Variants in TMEM39B observed in about 807,000 individuals in gnomAD.
TMEM39B encodes transmembrane protein 39B.
TMEM39B carries 23 observed loss-of-function variants against 52.2 expected under a neutral mutation model. The observed-to-expected ratio is 0.44, with a 90% CI of 0.32 to 0.62. The LOEUF is 0.62. Among genes scored for constraint, TMEM39B ranks in the 20% least tolerant of loss-of-function variants. TMEM39B has a pLI of 0.06. For synonymous variants in TMEM39B, 285 were observed against 264.0 expected (o/e 1.08, Z -0.77); for missense variants, 547 against 642.0 (o/e 0.85, Z 1.60).
chr1:32,086,320 C>T (rs1640348234), intron 5 of TMEM39B, among the ~76,000 whole-genome samples: 1 of 152,214 alleles, frequency 6.6e-6, no homozygotes, highest in Admixed American at 6.5e-5. Flanking sequence ...CACCTCCAGT[C>T]CAGTTCGCTC....
chr1:32,074,859 G>A (rs764808668), intron 1 of TMEM39B, 92 bp from the exon 2 acceptor site: 189 of 1,399,622 alleles, frequency 1.4e-4, no homozygotes, highest in Non-Finnish European at 1.8e-4. Flanking sequence ...ATGATAAAGT[G>A]AGATACTAGG....
In TMEM39B at chr1:32,102,757, G is replaced by T; in HGVS notation, c.*84G>T. 7.2e-7 allele frequency: 1 copy of T among 1,380,286 alleles called. No individual in the cohort carries two copies. The allele number at this position is 1,380,286 out of a possible 1,614,324, so 85.5% of individuals were successfully genotyped here. A position where few individuals can be genotyped will look rare whatever the true frequency, so the allele number is the denominator to read the frequency against. ...GGCTGTTGGGTAGAAGTGGTGGTGG[G>T]GGGGACAAAAGACAAAAAAATCCAC... On this transcript the variant is annotated 3_prime_UTR_variant, in exon 9 of 9. Coordinates refer to ENST00000336294, the MANE Select transcript of TMEM39B (RefSeq NM_018056.4).
intron 3 of TMEM39B, 139 bp from the exon 4 acceptor site, chr1:32,076,624 G>C (rs1047094275): frequency 3.5e-6 from 3 of 866,538 alleles, no homozygotes; most frequent in Non-Finnish European, 5.7e-6. Context: ...TTCCTGGCCT[G>C]ACTCAGCTGG....
At chr1:32,084,688 GC>G (rs1197301950) in intron 5 of TMEM39B, among the ~76,000 whole-genome samples, 2 of 152,058 alleles carry the variant, frequency 1.3e-5, no homozygotes, top group Non-Finnish European at 2.9e-5. Context: ...TCCTGCCTCA[GC>G]CTCCTGAGTA....
At chr1:32,095,118 G>C (rs74536384) in intron 7 of TMEM39B, 147 bp downstream of exon 7, 36,566 of 941,408 alleles carry the variant, frequency 0.039, 815 homozygotes, top group Non-Finnish European at 0.047. Flanking sequence ...CCAGGGTGGG[G>C]TATGGTGGGG....
chr1:32,091,869 A>G lies in TMEM39B; in HGVS notation c.785A>G (p.His262Arg). ...TATGGCCCGGACGCCATGCCCACCC[A>G]TGCCTGCTGCCTGTCACCCAGCCTC... Reference protein sequence around the residue: ...QLYGPDAMPTHACCLSPSLIR... With the variant: ...QLYGPDAMPTRACCLSPSLIR... The change falls in exon 6 of 9, where the codon CAT becomes CGT. Residue 262 changes from histidine (H) to arginine (R), a missense_variant. By Grantham distance (29) the His-to-Arg change is conservative. Transcript: ENST00000336294. 1.2e-6 allele frequency: 2 copies of G among 1,614,192 alleles called. No individual in the cohort carries two copies. Among genetic ancestry groups the G allele is most frequent in the Non-Finnish European group, 1.7e-6 (2 of 1,180,034 alleles).
chr1:32,086,521 C>G (rs1033695239), intron 5 of TMEM39B, among the ~76,000 whole-genome samples: 1 of 151,908 alleles, frequency 6.6e-6, no homozygotes, highest in East Asian at 1.9e-4. Flanking sequence ...AATCCCAGCA[C>G]TTTGAGAGAC....
intron 5 of TMEM39B, 115 bp from the exon 6 acceptor site, chr1:32,091,560 C>T (rs1373647310): frequency 2.4e-6 from 3 of 1,231,712 alleles, no homozygotes; most frequent in South Asian, 3.1e-5. Flanking sequence ...AAATTCTCCC[C>T]TCTGGGCAGC....
chr1:32,075,866 G>C (rs553338196), intron 3 of TMEM39B, 44 bp downstream of exon 3: 30 of 1,267,518 alleles, frequency 2.4e-5, no homozygotes, highest in Middle Eastern at 2.7e-4. Context: ...GTGTGTGTGC[G>C]TGTGTGTGTA....
chr1:32,075,665 A>C lies in TMEM39B; in HGVS notation c.194A>C (p.Gln65Pro). The change falls in exon 3 of 9, where the codon CAG becomes CCG. Residue 65 changes from glutamine to proline, a missense_variant. By Grantham distance (76) the Gln-to-Pro change is moderately conservative (BLOSUM62 -1). Transcript: ENST00000336294. ...PLATQTVVPL[Q>P]HCKIPELPVQ... Reference sequence around the variant, plus strand: ...GCCACCCAAACTGTTGTGCCTCTACAGCACTGCAAGATCCCCGAGCTGCCA... The same window carrying C: ...GCCACCCAAACTGTTGTGCCTCTACCGCACTGCAAGATCCCCGAGCTGCCA... The C allele has an allele frequency of 6.4e-7, 1 of 1,551,720 alleles. No individual in the cohort carries two copies. The highest frequency in any genetic ancestry group is 1.2e-5 in the South Asian group (1 of 84,046).
intron 5 of TMEM39B, among the ~76,000 whole-genome samples, chr1:32,083,684 A>C (rs1351985979): frequency 6.6e-6 from 1 of 151,982 alleles, no homozygotes; most frequent in East Asian, 1.9e-4. Context: ...AGCTTCCCAA[A>C]GTGCTGGGAT....
chr1:32,093,394 C>T (rs1204344205), intron 6 of TMEM39B, among the ~76,000 whole-genome samples: 1 of 142,580 alleles, frequency 7.0e-6, no homozygotes, highest in Non-Finnish European at 1.5e-5. Flanking sequence ...CCACCAAGCC[C>T]GGCCCTTTTT....
Position 32,074,325 on chromosome 1 carries a change from G to T in TMEM39B, c.5-626G>T, listed in dbSNP as rs1639762442. ...GGCCTCCAGAAACTTATGTCTGAAT[G>T]GGGCCCAATGTGTACCAGAGTTGAG... On this transcript the variant is annotated intron_variant, in intron 1 of 8. Coordinates refer to ENST00000336294, the MANE Select transcript of TMEM39B (RefSeq NM_018056.4). Among the ~76,000 whole-genome samples the T allele has an allele frequency of 1.3e-5, 2 of 152,086 alleles. 1 individual carries two copies. The highest frequency in any genetic ancestry group is 4.1e-4 in the South Asian group (2 of 4,826).
At chr1:32,096,524 A>C (rs548694691) in intron 7 of TMEM39B, among the ~76,000 whole-genome samples, 1 of 145,152 alleles carries the variant, frequency 6.9e-6, no homozygotes, top group African/African-American at 2.6e-5. Context: ...CAGTGGCACA[A>C]TCTTGGCTCA....
chr1:32,101,570 C>G (rs1181799863), intron 8 of TMEM39B, among the ~76,000 whole-genome samples: 1 of 152,118 alleles, frequency 6.6e-6, no homozygotes, highest in African/African-American at 2.4e-5. Flanking sequence ...CCCTTGAAAC[C>G]TGGGGCTCTA....
At position 32,086,354 on chromosome 1, in the gene TMEM39B, G is replaced by A. The variant is rs778993194; in HGVS notation, c.591-5321G>A. 7.9e-5 allele frequency among the ~76,000 whole-genome samples: 12 copies of A among 152,088 alleles called. No homozygotes were observed. In the East Asian group the frequency reaches 9.6e-4, roughly 12 times the overall value. On this transcript the variant is annotated intron_variant, in intron 5 of 8. Coordinates refer to ENST00000336294, the MANE Select transcript of TMEM39B (RefSeq NM_018056.4). ...TCATGCCATATTCTAGACTTGTACC[G>A]TCCAGTTGAGTAGCTACTAGCCCCC...
At chr1:32,098,982 G>A (rs1640916928) in intron 7 of TMEM39B, among the ~76,000 whole-genome samples, 1 of 152,132 alleles carries the variant, frequency 6.6e-6, no homozygotes, top group African/African-American at 2.4e-5. Context: ...CAGGCACGGT[G>A]GCTCATTGCC....
intron 7 of TMEM39B, among the ~76,000 whole-genome samples, chr1:32,099,234 A>G (rs1353982965): frequency 6.7e-6 from 1 of 148,614 alleles, no homozygotes; most frequent in Non-Finnish European, 1.5e-5. Flanking sequence ...CTCTGTCTCA[A>G]AAAAAAAAAA....
At chr1:32,077,822 A>G (rs1216189179) in intron 5 of TMEM39B, among the ~76,000 whole-genome samples, 1 of 152,072 alleles carries the variant, frequency 6.6e-6, no homozygotes, top group African/African-American at 2.4e-5. Context: ...CTGCATATGC[A>G]TGTGTGTATG....
Sources: allele counts gnomAD v4.1 joint callset (sites outside exome capture counted in the v4.1 genomes callset), GRCh38; gene constraint gnomAD v4.1.1; transcripts MANE v1.5; gene names NCBI Gene and HGNC (gene_info 2026-07-23, HGNC 2026-07-21).